Variants in ATG3 observed in about 807,000 individuals in gnomAD.
ATG3 encodes the protein ubiquitin-like-conjugating enzyme ATG3.
A neutral mutation model predicts 50.7 loss-of-function variants in ATG3; 25 were observed. That is an observed-to-expected ratio of 0.49 (90% CI 0.36 to 0.69). The LOEUF is 0.69. Among genes scored for constraint, ATG3 ranks in the 30% least tolerant of loss-of-function variants. The probability of loss-of-function intolerance (pLI) is 0.00; values close to 1 mark genes in which losing one functional copy is unlikely to be tolerated. For missense variants in ATG3, 281 were observed against 376.0 expected, an observed-to-expected ratio of 0.75 and a Z score of 2.09; for synonymous variants, 119 against 125.5, an observed-to-expected ratio of 0.95 and a Z score of 0.34.
At chr3:112,553,959 T>C (rs1933596224) in intron 2 of ATG3, among the ~76,000 whole-genome samples, 2 of 152,326 alleles carry the variant, frequency 1.3e-5, no homozygotes, top group East Asian at 1.9e-4. Context: ...AATTAACAAA[T>C]TGAATTCTCT....
intron 11 of ATG3, 53 bp from the exon 12 acceptor site, chr3:112,532,833 A>T: frequency 6.6e-7 from 1 of 1,516,986 alleles, no homozygotes; most frequent in Non-Finnish European, 8.8e-7. Flanking sequence ...CTATGTTTTA[A>T]GCCCATGTTG....
intron 5 of ATG3, among the ~76,000 whole-genome samples, chr3:112,546,146 CA>C (rs891072816): frequency 2.0e-5 from 3 of 151,074 alleles, no homozygotes; most frequent in African/African-American, 7.3e-5. Flanking sequence ...AAAAAAAACA[CA>C]AAAAAACAAA....
intron 3 of ATG3, 78 bp from the exon 4 acceptor site, chr3:112,550,340 A>G: frequency 8.6e-7 from 1 of 1,157,574 alleles, no homozygotes; most frequent in East Asian, 2.4e-5. Context: ...ATTGCATATA[A>G]ATCTCAAAAT....
intron 2 of ATG3, among the ~76,000 whole-genome samples, chr3:112,557,357 C>G (rs1017154091): frequency 6.6e-6 from 1 of 151,770 alleles, no homozygotes; most frequent in African/African-American, 2.4e-5. Flanking sequence ...CACAAGGAGC[C>G]GGGCGCAGTG....
intron 4 of ATG3, among the ~76,000 whole-genome samples, chr3:112,549,384 T>C (rs1933464575): frequency 6.6e-6 from 1 of 152,238 alleles, no homozygotes; most frequent in Non-Finnish European, 1.5e-5. Flanking sequence ...AAAACTGCTG[T>C]TCTGTTCACT....
Position 112,553,337 on chromosome 3 carries a change from G to A in ATG3, c.115-8C>T. ...ATCTCCAGCTGCCACAAACTATTCA[G>A]GATTTAAAAGTAATATGAAAAAAAG... is the stretch of plus-strand genomic sequence containing the variant. On this transcript the variant is annotated splice_region_variant and splice_polypyrimidine_tract_variant and intron_variant, in intron 2 of 11. Transcript: ENST00000283290. 6.2e-7 allele frequency: 1 copy of A among 1,610,484 alleles called. No homozygotes were observed. Among genetic ancestry groups the A allele is most frequent in the Middle Eastern group, 1.7e-4 (1 of 6,038 alleles).
intron 9 of ATG3, among the ~76,000 whole-genome samples, chr3:112,537,289 T>C (rs1172252051): frequency 2.0e-5 from 3 of 152,224 alleles, no homozygotes; most frequent in Non-Finnish European, 4.4e-5. Flanking sequence ...AACAAGTTGA[T>C]TTCCTGTCAA....
In ATG3 at chr3:112,537,805, G is replaced by A; in HGVS notation, c.596C>T (p.Thr199Ile). 1 of 1,612,638 alleles carries A rather than the reference G, an allele frequency of 6.2e-7. No individual in the cohort carries two copies. Among genetic ancestry groups the A allele is most frequent in the Non-Finnish European group, 8.5e-7 (1 of 1,179,488 alleles). The part of the protein sequence containing the change: ...GGEDAILQTR[T>I]YDLYITYDKY... ...ATCATAAGTGATGTAAAGGTCATAA[G>A]TTCTGGTTTGCAAAATAGCATCTTC... is the stretch of plus-strand genomic sequence containing the variant. The change falls in exon 9 of 12, where the codon ACT becomes ATT. Residue 199 changes from threonine (T) to isoleucine (I), a missense_variant. Transcript: ENST00000283290.
chr3:112,555,697 G>A (rs942730001), intron 2 of ATG3, among the ~76,000 whole-genome samples: 6 of 152,126 alleles, frequency 3.9e-5, no homozygotes, highest in Non-Finnish European at 8.8e-5. Flanking sequence ...TTTACACAAA[G>A]CAAATGATGC....
chr3:112,544,512 A>G (rs1417098234), intron 5 of ATG3, among the ~76,000 whole-genome samples: 2 of 151,864 alleles, frequency 1.3e-5, no homozygotes, highest in Non-Finnish European at 2.9e-5. Context: ...AAGTTAGCTC[A>G]GCGTGGTGGC....
intron 7 of ATG3, 108 bp downstream of exon 7, chr3:112,541,695 G>A (rs1175524316): frequency 2.1e-6 from 2 of 940,658 alleles, no homozygotes; most frequent in Non-Finnish European, 3.3e-6. Flanking sequence ...TCACTAGGCT[G>A]CTAAATGCTA....
chr3:112,535,416 AT>A (rs1933004287), intron 10 of ATG3: 1 of 152,084 alleles, frequency 6.6e-6, no homozygotes, highest in East Asian at 1.9e-4. Context: ...ATTACCAGTT[AT>A]TTTTCCCCCA....
intron 2 of ATG3, among the ~76,000 whole-genome samples, chr3:112,556,479 G>C (rs1933686148): frequency 6.6e-6 from 1 of 152,114 alleles, no homozygotes; most frequent in South Asian, 2.1e-4. Context: ...CCCCTACTGG[G>C]AAGTGAGGAG....
chr3:112,553,221 C>G, intron 3 of ATG3, 59 bp downstream of exon 3: 1 of 1,451,192 alleles, frequency 6.9e-7, no homozygotes. Flanking sequence ...TTGCAAATTG[C>G]TATAATTCTG....
At chr3:112,558,694 T>A (rs1411897606) in intron 1 of ATG3, among the ~76,000 whole-genome samples, 2 of 151,916 alleles carry the variant, frequency 1.3e-5, no homozygotes, top group Non-Finnish European at 2.9e-5. Flanking sequence ...TATAATACTA[T>A]CAGATCAGTG....
chr3:112,537,279 A>AAC (rs1372801168), intron 9 of ATG3, among the ~76,000 whole-genome samples: 1 of 152,220 alleles, frequency 6.6e-6, no homozygotes, highest in African/African-American at 2.4e-5. Context: ...TGACAGGTTA[A>AAC]ACAAGTTGAT....
chr3:112,536,679 T>C, intron 9 of ATG3, 77 bp from the exon 10 acceptor site: 9 of 1,516,912 alleles, frequency 5.9e-6, no homozygotes, highest in Non-Finnish European at 7.2e-6. Flanking sequence ...CCCAGCACTG[T>C]GGGAGACTGA....
intron 3 of ATG3, among the ~76,000 whole-genome samples, chr3:112,551,010 G>A (rs1353767825): frequency 6.6e-6 from 1 of 152,148 alleles, no homozygotes; most frequent in Non-Finnish European, 1.5e-5. Flanking sequence ...AGTGACTTCA[G>A]GGCTCCTACT....
intron 10 of ATG3, 137 bp from the exon 11 acceptor site, chr3:112,534,474 TCCC>T (rs1932968497): frequency 1.2e-5 from 6 of 481,122 alleles, no homozygotes; most frequent in South Asian, 7.3e-5. Context: ...ATAAACTATC[TCCC>T]CCACCACTCC....
Sources: allele counts gnomAD v4.1 joint callset (sites outside exome capture counted in the v4.1 genomes callset), GRCh38; gene constraint gnomAD v4.1.1; transcripts MANE v1.5; gene names NCBI Gene and HGNC (gene_info 2026-07-23, HGNC 2026-07-21).